The following LRRFIP2 variants were observed in gnomAD, a reference collection of about 807,000 sequenced individuals.
LRRFIP2 encodes the protein leucine-rich repeat flightless-interacting protein 2.
A neutral mutation model predicts 125.9 loss-of-function variants in LRRFIP2; 109 were observed. The ratio of observed to expected loss-of-function variants is 0.87; its 90% confidence interval spans 0.74 to 1.01. The LOEUF (loss-of-function observed/expected upper bound fraction) is 1.01. LRRFIP2 is among the 50% of genes least tolerant of loss of function. The pLI, the probability that LRRFIP2 is intolerant of heterozygous loss-of-function variation, is 0.00. For missense variants in LRRFIP2, 850 were observed against 862.3 expected, an observed-to-expected ratio of 0.99 and a Z score of 0.18; for synonymous variants, 291 against 293.1, an observed-to-expected ratio of 0.99 and a Z score of 0.07.
chr3:37,086,249 T>G (rs1213174496), intron 18 of LRRFIP2, among the ~76,000 whole-genome samples: 1 of 152,210 alleles, frequency 6.6e-6, no homozygotes, highest in East Asian at 1.9e-4. Flanking sequence ...GTGGAGAAAC[T>G]ACATTTCCCA....
At chr3:37,133,787 G>C (rs1163272007) in intron 2 of LRRFIP2, among the ~76,000 whole-genome samples, 2 of 152,110 alleles carry the variant, frequency 1.3e-5, no homozygotes, top group African/African-American at 4.8e-5. Flanking sequence ...TAGTTACCAT[G>C]ATAAATTTCA....
intron 1 of LRRFIP2, among the ~76,000 whole-genome samples, chr3:37,161,957 T>C (rs527881064): frequency 6.6e-6 from 1 of 151,340 alleles, no homozygotes; most frequent in East Asian, 1.9e-4. Flanking sequence ...CCAAGGCAGG[T>C]GGATCCCTTG....
At position 37,148,917 on chromosome 3, in the gene LRRFIP2, C is replaced by T; in HGVS notation, c.67G>A (p.Ala23Thr). The change falls in exon 2 of 28, where the codon GCT becomes ACT. Residue 23 changes from alanine (A) to threonine (T), a missense_variant. Coordinates refer to ENST00000336686, the MANE Select transcript of LRRFIP2 (RefSeq NM_006309.4). ...VKDRFSAEDE[A>T]LSNIAREAEA... ...ACCTCTCTGGCAATGTTACTCAAAG[C>T]TTCATCTTCTGCAGAAAATCGGTCT... The T allele has an allele frequency of 6.2e-7, 1 of 1,614,092 alleles. No homozygotes were observed. The highest frequency in any genetic ancestry group is 8.5e-7 in the Non-Finnish European group (1 of 1,179,976).
chr3:37,140,372 G>C (rs1049059894), intron 2 of LRRFIP2: 2 of 152,218 alleles, frequency 1.3e-5, no homozygotes, highest in Non-Finnish European at 2.9e-5. Context: ...AAGATACAGA[G>C]ATTAGCATGG....
intron 21 of LRRFIP2, among the ~76,000 whole-genome samples, chr3:37,069,987 GA>G (rs2090881539): frequency 6.6e-6 from 1 of 152,108 alleles, no homozygotes; most frequent in Admixed American, 6.5e-5. Flanking sequence ...TATATTGATG[GA>G]AATGTTCTGT....
chr3:37,072,990 G>T, intron 20 of LRRFIP2, 108 bp from the exon 21 acceptor site: 1 of 694,912 alleles, frequency 1.4e-6, no homozygotes, highest in East Asian at 2.8e-5. Flanking sequence ...TAACCAAAAG[G>T]GAAAGTCTGT....
chr3:37,103,918 C>T (rs148135887), intron 14 of LRRFIP2, among the ~76,000 whole-genome samples: 6 of 152,252 alleles, frequency 3.9e-5, no homozygotes, highest in Non-Finnish European at 5.9e-5. Context: ...AGGTACTCCA[C>T]AAACATTTAT....
intron 2 of LRRFIP2, among the ~76,000 whole-genome samples, chr3:37,142,393 C>T (rs2095733385): frequency 6.6e-6 from 1 of 152,126 alleles, no homozygotes; most frequent in Non-Finnish European, 1.5e-5. Flanking sequence ...CCGCCCACCT[C>T]GGCCTCTGGT....
intron 25 of LRRFIP2, among the ~76,000 whole-genome samples, chr3:37,055,423 G>A (rs557074962): frequency 1.1e-4 from 16 of 152,230 alleles, no homozygotes; most frequent in African/African-American, 3.4e-4. Context: ...AAAATTAGCT[G>A]GGCGTGGTGG....
intron 12 of LRRFIP2, 92 bp downstream of exon 12, chr3:37,108,545 C>T: frequency 9.6e-7 from 1 of 1,044,276 alleles, no homozygotes. Flanking sequence ...GTATATTTTT[C>T]TTTTTTATTA....
At chr3:37,145,371 A>G (rs912232029) in intron 2 of LRRFIP2, among the ~76,000 whole-genome samples, 1 of 152,264 alleles carries the variant, frequency 6.6e-6, no homozygotes, top group Admixed American at 6.5e-5. Flanking sequence ...TTGGATCTGC[A>G]ATGATACATT....
At chr3:37,100,623 T>C (rs1455710597) in intron 15 of LRRFIP2, among the ~76,000 whole-genome samples, 2 of 152,156 alleles carry the variant, frequency 1.3e-5, no homozygotes. Context: ...CACTTTCACT[T>C]ATATGTAAGT....
intron 12 of LRRFIP2, 50 bp from the exon 13 acceptor site, chr3:37,108,179 T>G (rs1413140754): frequency 7.9e-6 from 11 of 1,396,752 alleles, no homozygotes; most frequent in Admixed American, 1.7e-5. Flanking sequence ...CACCTCATTA[T>G]TCTAATGAGA....
intron 2 of LRRFIP2, among the ~76,000 whole-genome samples, chr3:37,137,621 A>C (rs2095590781): frequency 6.6e-6 from 1 of 152,114 alleles, no homozygotes; most frequent in Non-Finnish European, 1.5e-5. Flanking sequence ...CTAATAACCA[A>C]ATGTAGATAA....
chr3:37,131,032 T>C (rs2095414074), intron 2 of LRRFIP2, among the ~76,000 whole-genome samples: 1 of 152,176 alleles, frequency 6.6e-6, no homozygotes, highest in African/African-American at 2.4e-5. Context: ...GGAAAAGGCA[T>C]TACATTTGTA....
At chr3:37,148,183 T>C (rs1226523454) in intron 2 of LRRFIP2, among the ~76,000 whole-genome samples, 1 of 152,310 alleles carries the variant, frequency 6.6e-6, no homozygotes, top group African/African-American at 2.4e-5. Flanking sequence ...TAAACTTCAA[T>C]ACATTATAAC....
rs1559940477 is a variant in LRRFIP2, at chr3:37,121,640, A to G, written c.280T>C (p.Tyr94His). The G allele has an allele frequency of 6.2e-7, 1 of 1,614,204 alleles. No homozygotes were observed. The highest frequency in any genetic ancestry group is 2.2e-5 in the East Asian group (1 of 44,882). ...GTGTATAGGTTATTACAAACCAGAT[A>G]AGGACGATGGTGACTGGACCGGTGG... ...YSHRSSHHRP[Y>H]LGVEDALSIR... is the part of the protein sequence containing the mutation. Residue 94 changes from tyrosine to histidine, a missense_variant, in exon 5 of 28, where the codon TAT (tyrosine) becomes CAT (histidine). Transcript: ENST00000336686.
At chr3:37,105,326 A>C in intron 14 of LRRFIP2, 129 bp downstream of exon 14, 1 of 720,182 alleles carries the variant, frequency 1.4e-6, no homozygotes, top group East Asian at 2.7e-5. Flanking sequence ...CAAAATATTT[A>C]TATAACTAAA....
intron 2 of LRRFIP2, among the ~76,000 whole-genome samples, chr3:37,142,887 G>A (rs1360920010): frequency 6.6e-6 from 1 of 152,196 alleles, no homozygotes; most frequent in South Asian, 2.1e-4. Context: ...TAGTTTAGAT[G>A]TCTCTTCCAA....
Sources: gnomAD v4.1 joint callset for allele counts (sites outside exome capture counted in the v4.1 genomes callset) on GRCh38, gnomAD v4.1.1 for gene constraint, MANE v1.5 for transcripts, NCBI Gene and HGNC (gene_info 2026-07-23, HGNC 2026-07-21) for gene names.